Variants in ABAT observed in about 807,000 individuals in gnomAD.
The protein encoded by ABAT is 4-aminobutyrate aminotransferase.
ABAT carries 45 observed loss-of-function variants against 64.6 expected under a neutral mutation model. The observed-to-expected ratio is 0.70, with a 90% CI of 0.55 to 0.89. ABAT has a LOEUF of 0.89. ABAT is among the 40% of genes least tolerant of loss of function. ABAT has a pLI of 0.00. For synonymous variants in ABAT, 297 were observed against 250.5 expected (o/e 1.19, Z -1.75); for missense variants, 633 against 658.4 (o/e 0.96, Z 0.42).
At chr16:8,736,108 A>C (rs1014101425) in intron 2 of ABAT, 13 of 422,754 alleles carry the variant, frequency 3.1e-5, no homozygotes, top group Non-Finnish European at 4.4e-5. Context: ...CAGGCAAGAG[A>C]GCATGTGCAG....
At chr16:8,694,423 T>C (rs1417461920) in intron 1 of ABAT, among the ~76,000 whole-genome samples, 1 of 151,900 alleles carries the variant, frequency 6.6e-6, no homozygotes, top group African/African-American at 2.4e-5. Context: ...AGGGTCTTGC[T>C]CTGTCACCCA....
intron 5 of ABAT, among the ~76,000 whole-genome samples, chr16:8,754,189 A>ATAAAT (rs2059574919): frequency 6.8e-6 from 1 of 146,460 alleles, no homozygotes; most frequent in African/African-American, 2.5e-5. Flanking sequence ...TAAAAAAAAA[A>ATAAAT]AAAAAAAAAA....
intron 1 of ABAT, among the ~76,000 whole-genome samples, chr16:8,689,083 A>G (rs565988803): frequency 6.6e-6 from 1 of 151,654 alleles, no homozygotes; most frequent in South Asian, 2.1e-4. Flanking sequence ...CTGTCTCAAA[A>G]AAAAAAAAAA....
At chr16:8,677,295 C>T (rs575636509) in intron 1 of ABAT, among the ~76,000 whole-genome samples, 31 of 152,266 alleles carry the variant, frequency 2.0e-4, no homozygotes, top group African/African-American at 7.0e-4. Flanking sequence ...AACTTGTAAC[C>T]CTTGCCGTAG....
chr16:8,763,555 C>A (rs1223398028), intron 6 of ABAT, among the ~76,000 whole-genome samples: 1 of 152,190 alleles, frequency 6.6e-6, no homozygotes, highest in African/African-American at 2.4e-5. Flanking sequence ...CACTCTTTCT[C>A]TACTCCAAAA....
chr16:8,709,826 CT>C (rs35255805), intron 1 of ABAT, among the ~76,000 whole-genome samples: 27 of 146,028 alleles, frequency 1.8e-4, no homozygotes, highest in South Asian at 6.5e-4. Context: ...AGTCAGTTAA[CT>C]TTTTTTTTTT....
At chr16:8,699,461 G>A (rs1332487898) in intron 1 of ABAT, among the ~76,000 whole-genome samples, 1 of 152,142 alleles carries the variant, frequency 6.6e-6, no homozygotes, top group Non-Finnish European at 1.5e-5. Flanking sequence ...AGGAGGTTGA[G>A]TCAGGAGAAT....
At chr16:8,676,480 G>A (rs376824131) in intron 1 of ABAT, among the ~76,000 whole-genome samples, 16 of 152,090 alleles carry the variant, frequency 1.1e-4, no homozygotes, top group Admixed American at 2.0e-4. Context: ...CTCTGCAAAG[G>A]TCATGAAGCC....
At chr16:8,778,726 G>A (rs568372101) in intron 14 of ABAT, among the ~76,000 whole-genome samples, 9 of 150,938 alleles carry the variant, frequency 6.0e-5, no homozygotes, top group African/African-American at 1.7e-4. Flanking sequence ...GCAGTGAGCC[G>A]AGATAGTGCC....
At chr16:8,762,633 G>A (rs750539778) in intron 6 of ABAT, among the ~76,000 whole-genome samples, 2 of 152,194 alleles carry the variant, frequency 1.3e-5, no homozygotes, top group Non-Finnish European at 2.9e-5. Context: ...TCTCGAGCAA[G>A]AACATCACCC....
rs1044039582 is a variant in ABAT, at chr16:8,722,882, C to T, written c.-41-12817C>T. The T allele has an allele frequency of 2.8e-5, 36 of 1,287,876 alleles. No individual in the cohort carries two copies. The African/African-American group carries it at 4.9e-4, about 17-fold the overall frequency. The allele number at this position is 1,287,876 out of a possible 1,614,324, so 79.8% of individuals were successfully genotyped here. ...TGGGGAAAATGCTGTGGCAAATTCT[C>T]AGTAATATGGAACTCTTAGCACGCT... On this transcript the variant is annotated intron_variant, in intron 1 of 15. Transcript: ENST00000268251.
intron 1 of ABAT, among the ~76,000 whole-genome samples, chr16:8,716,105 G>C (rs1366005889): frequency 2.6e-5 from 4 of 152,194 alleles, no homozygotes; most frequent in Non-Finnish European, 5.9e-5. Context: ...TTCATCCTCA[G>C]AGCAGCTTGG....
At chr16:8,712,661 G>T (rs2058102738) in intron 1 of ABAT, among the ~76,000 whole-genome samples, 1 of 152,138 alleles carries the variant, frequency 6.6e-6, no homozygotes, top group South Asian at 2.1e-4. Context: ...GGGGGCTGGG[G>T]GCTGGGGGCT....
rs562546446 is a variant in ABAT, at chr16:8,724,920, C to CTT, written c.-41-10766_-41-10765dup. ...CAGCCAACTCCAATATCTCTTTTTT[C>CTT]TTTTTTTTTTTTTTGAGATGGAGTC... On this transcript the variant is annotated intron_variant, in intron 1 of 15. Transcript: ENST00000268251. 2.6e-4 allele frequency among the ~76,000 whole-genome samples: 12 copies of CTT among 46,280 alleles called. 1 individual carries two copies. Among genetic ancestry groups the CTT allele is most frequent in the African/African-American group, 1.1e-3 (9 of 8,524 alleles). 30.4% of individuals were successfully genotyped at this position (46,280 alleles called of 152,430 possible). A position where few individuals can be genotyped will look rare whatever the true frequency, so the allele number is the denominator to read the frequency against.
rs141010230 is a variant in ABAT at position 8,781,634 on chromosome 16, A to G, written c.*204A>G. ...GTTGATTTTCCTCCCTGCAGAGCCAATGGTGCACATTGGTTTAAGCCCAGA... is the reference window on the plus strand; with the variant it reads ...GTTGATTTTCCTCCCTGCAGAGCCAGTGGTGCACATTGGTTTAAGCCCAGA... On this transcript the variant is annotated 3_prime_UTR_variant, in exon 16 of 16. Coordinates refer to ENST00000268251, the MANE Select transcript of ABAT (RefSeq NM_020686.6). The surrounding 1 kb of genome is among the most constrained non-coding windows in gnomAD (Gnocchi z 4.5). The G allele has an allele frequency of 2.8e-3, 1,881 of 677,058 alleles. 36 individuals are homozygous for G. The highest frequency in any genetic ancestry group is 0.025 in the Admixed American group (1,137 of 46,164). 41.9% of individuals were successfully genotyped at this position (677,058 alleles called of 1,614,324 possible).
intron 1 of ABAT, among the ~76,000 whole-genome samples, chr16:8,710,683 TGA>T (rs762237876): frequency 8.0e-5 from 7 of 87,774 alleles, no homozygotes; most frequent in Admixed American, 6.3e-4. Context: ...AAGGCTGCAC[TGA>T]GAGAGAGACA....
At chr16:8,676,465 C>T (rs2057205141) in intron 1 of ABAT, among the ~76,000 whole-genome samples, 1 of 152,062 alleles carries the variant, frequency 6.6e-6, no homozygotes, top group Non-Finnish European at 1.5e-5. Context: ...GAGGAAGCGC[C>T]AAGGCTCTGC....
intron 14 of ABAT, 33 bp from the exon 15 acceptor site, chr16:8,779,446 C>T (rs2060366885): frequency 6.3e-7 from 1 of 1,584,202 alleles, no homozygotes. Flanking sequence ...AGGTGATGGG[C>T]TTTGACGCCA....
At chr16:8,708,182 G>A (rs1432154738) in intron 1 of ABAT, among the ~76,000 whole-genome samples, 1 of 151,968 alleles carries the variant, frequency 6.6e-6, no homozygotes, top group Non-Finnish European at 1.5e-5. Context: ...TGCTGGGAGA[G>A]AGAATTTGTT....
Sources: allele counts gnomAD v4.1 joint callset (sites outside exome capture counted in the v4.1 genomes callset), GRCh38; gene constraint gnomAD v4.1.1; non-coding constraint Gnocchi (gnomAD v3.1); transcripts MANE v1.5; gene names NCBI Gene and HGNC (gene_info 2026-07-23, HGNC 2026-07-21).